Variants in PDE10A observed in about 807,000 individuals in gnomAD.
PDE10A encodes the protein cAMP and cAMP-inhibited cGMP 3',5'-cyclic phosphodiesterase 10A.
A neutral mutation model predicts 97.7 loss-of-function variants in PDE10A; 39 were observed. That is an observed-to-expected ratio of 0.40 (90% CI 0.31 to 0.52). PDE10A has a LOEUF of 0.52. Among genes scored for constraint, PDE10A ranks in the 20% least tolerant of loss-of-function variants. The probability of loss-of-function intolerance (pLI) is 0.56; values close to 1 mark genes in which losing one functional copy is unlikely to be tolerated. For missense variants in PDE10A, 731 were observed against 1,047.8 expected (o/e 0.70, Z 4.17); for synonymous variants, 371 against 376.8 (o/e 0.98, Z 0.18).
chr6:165,687,466 T>C (rs1030635844), intron 1 of PDE10A, among the ~76,000 whole-genome samples: 1 of 152,194 alleles, frequency 6.6e-6, no homozygotes, highest in Non-Finnish European at 1.5e-5. Context: ...TATCACCCCA[T>C]CTACAGAGAC....
At position 165,852,911 on chromosome 6, in the gene PDE10A, G is replaced by A. The variant is rs561413375; in HGVS notation, c.-615+134618C>T. On this transcript the variant is annotated intron_variant, in intron 1 of 19. Transcript: ENST00000366882. ...GTGGCAAAGGAACAGACGTGGTAAC[G>A]CATTCTGCCTCCTGCGATCTGGTTT... Among the ~76,000 whole-genome samples, 30 of 152,330 alleles carry A rather than the reference G, an allele frequency of 2.0e-4. 1 individual carries two copies. The South Asian group carries it at 4.6e-3, about 23-fold the overall frequency.
intron 18 of PDE10A, among the ~76,000 whole-genome samples, chr6:165,357,707 T>G (rs1562379106): frequency 6.6e-6 from 1 of 151,708 alleles, no homozygotes; most frequent in Non-Finnish European, 1.5e-5. Context: ...CTATCCCCTC[T>G]TTCACTGTCA....
chr6:165,452,293 A>C (rs1791351884), intron 3 of PDE10A, among the ~76,000 whole-genome samples: 1 of 152,220 alleles, frequency 6.6e-6, no homozygotes, highest in South Asian at 2.1e-4. Flanking sequence ...CAACCAACAG[A>C]AGCAAAGCTG....
chr6:165,768,806 C>A (rs1583061861), intron 1 of PDE10A, among the ~76,000 whole-genome samples: 2 of 152,080 alleles, frequency 1.3e-5, no homozygotes, highest in East Asian at 3.9e-4. Context: ...TCAAATCTTG[C>A]AGTATTAAAT....
At chr6:165,892,092 T>A (rs576054095) in intron 1 of PDE10A, among the ~76,000 whole-genome samples, 1 of 152,128 alleles carries the variant, frequency 6.6e-6, no homozygotes, top group Admixed American at 6.5e-5. Context: ...AAGGAAAAAG[T>A]ATTTATACAT....
chr6:165,608,715 TA>T (rs567528923), intron 1 of PDE10A, among the ~76,000 whole-genome samples: 36 of 152,324 alleles, frequency 2.4e-4, no homozygotes, highest in African/African-American at 8.2e-4. Context: ...TGAACTAGTT[TA>T]AAGTCCCACC....
rs771523459 is a variant in PDE10A at position 165,958,710 on chromosome 6, AAG to A, written c.-615+28817_-615+28818del. On this transcript the variant is annotated intron_variant, in intron 1 of 19. Transcript: ENST00000366882. ...AGAAAGAAAGAGAAAGAAAGAAAGA[AAG>A]AGAGAAGAAAGAAAGAAAGAAAGAA... 3.8e-3 allele frequency among the ~76,000 whole-genome samples: 483 copies of A among 128,048 alleles called. 6 individuals are homozygous for A. The highest frequency in any genetic ancestry group is 5.1e-3 in the African/African-American group (158 of 30,746). The allele number at this position is 128,048 out of a possible 152,430, so 84.0% of individuals were successfully genotyped here. A position where few individuals can be genotyped will look rare whatever the true frequency, so the allele number is the denominator to read the frequency against.
At chr6:165,947,958 T>C (rs1783827641) in intron 1 of PDE10A, among the ~76,000 whole-genome samples, 1 of 151,972 alleles carries the variant, frequency 6.6e-6, no homozygotes, top group Admixed American at 6.6e-5. Context: ...TCTGCTTTAT[T>C]TTCAGAATAT....
At chr6:165,616,733 A>G (rs566581492) in intron 1 of PDE10A, among the ~76,000 whole-genome samples, 1 of 152,316 alleles carries the variant, frequency 6.6e-6, no homozygotes, top group African/African-American at 2.4e-5. Context: ...TGAGCCCAAC[A>G]ACTCAAAATG....
chr6:165,550,606 A>C (rs181654125), intron 1 of PDE10A, among the ~76,000 whole-genome samples: 9 of 152,254 alleles, frequency 5.9e-5, no homozygotes, highest in Non-Finnish European at 1.0e-4. Flanking sequence ...ATTGCTGTTT[A>C]ATCTGAATGT....
chr6:165,691,600 C>T (rs1414700538), intron 1 of PDE10A, among the ~76,000 whole-genome samples: 1 of 149,224 alleles, frequency 6.7e-6, no homozygotes, highest in East Asian at 2.0e-4. Flanking sequence ...CGCACACACA[C>T]ACACACACAC....
intron 1 of PDE10A, among the ~76,000 whole-genome samples, chr6:165,860,534 G>A (rs111581565): frequency 1.3e-5 from 2 of 152,174 alleles, no homozygotes; most frequent in African/African-American, 4.8e-5. Flanking sequence ...TTTACAGTGT[G>A]AGCTGGAACA....
intron 1 of PDE10A, among the ~76,000 whole-genome samples, chr6:165,675,660 T>C (rs1295682468): frequency 6.6e-6 from 1 of 152,202 alleles, no homozygotes; most frequent in African/African-American, 2.4e-5. Flanking sequence ...CTGAGGGATT[T>C]TGGGGTGACC....
At chr6:165,981,886 A>G (rs1011662481) in intron 1 of PDE10A, among the ~76,000 whole-genome samples, 1 of 152,214 alleles carries the variant, frequency 6.6e-6, no homozygotes, top group Non-Finnish European at 1.5e-5. Context: ...GAGCAATTCT[A>G]TTAGAAACAT....
intron 2 of PDE10A, among the ~76,000 whole-genome samples, chr6:165,522,751 A>G (rs1782205711): frequency 6.6e-6 from 1 of 152,110 alleles, no homozygotes; most frequent in South Asian, 2.1e-4. Context: ...CTTATTTAGC[A>G]TAGTACTGGA....
intron 1 of PDE10A, among the ~76,000 whole-genome samples, chr6:165,712,627 C>A: frequency 2.6e-5 from 3 of 115,352 alleles, no homozygotes; most frequent in East Asian, 5.3e-4. Context: ...TTTCAACTTT[C>A]TTTCTTTTTT....
chr6:165,657,233 G>T (rs1790011840), intron 1 of PDE10A, among the ~76,000 whole-genome samples: 1 of 152,232 alleles, frequency 6.6e-6, no homozygotes, highest in Non-Finnish European at 1.5e-5. Context: ...CAAGTGGTGA[G>T]TGCTACAAAG....
upstream of PDE10A, among the ~76,000 whole-genome samples, chr6:165,664,152 G>A (rs755374110): frequency 1.3e-5 from 2 of 152,118 alleles, no homozygotes; most frequent in African/African-American, 2.4e-5. Flanking sequence ...TTCACGAAGG[G>A]CAAAACGGTC....
At chr6:165,693,529 A>AAAAAAC (rs71954937) in intron 1 of PDE10A, among the ~76,000 whole-genome samples, 1 of 15,670 alleles carries the variant, frequency 6.4e-5, no homozygotes, top group African/African-American at 1.4e-4. Flanking sequence ...AGGCTCCACC[A>AAAAAAC]AAAAAAAAAA....
Sources: gnomAD v4.1 joint callset for allele counts (sites outside exome capture counted in the v4.1 genomes callset) on GRCh38, gnomAD v4.1.1 for gene constraint, MANE v1.5 for transcripts, NCBI Gene and HGNC (gene_info 2026-07-23, HGNC 2026-07-21) for gene names.